Variants in NID1 observed in about 807,000 individuals in gnomAD.
NID1 encodes nidogen-1.
A neutral mutation model predicts 130.6 loss-of-function variants in NID1; 76 were observed. That is an observed-to-expected ratio of 0.58 (90% CI 0.48 to 0.70). NID1 has a LOEUF of 0.70. Ranked by LOEUF, NID1 falls within the 30% of genes least tolerant of loss-of-function variation. NID1 has a pLI of 0.00. For missense variants in NID1, 1,517 were observed against 1,664.8 expected, an observed-to-expected ratio of 0.91 and a Z score of 1.54; for synonymous variants, 665 against 675.1, an observed-to-expected ratio of 0.98 and a Z score of 0.23.
At chr1:236,029,314 T>C (rs1352278129) in intron 7 of NID1, among the ~76,000 whole-genome samples, 2 of 152,236 alleles carry the variant, frequency 1.3e-5, no homozygotes, top group Admixed American at 1.3e-4. Context: ...AATGTCATAA[T>C]AATTATGTCC....
chr1:236,007,481 G>A (rs1658284371), intron 12 of NID1, among the ~76,000 whole-genome samples: 1 of 152,186 alleles, frequency 6.6e-6, no homozygotes, highest in Non-Finnish European at 1.5e-5. Flanking sequence ...CACTGCAAGA[G>A]GGATGGCCCG....
intron 1 of NID1, among the ~76,000 whole-genome samples, chr1:236,056,962 A>G: frequency 6.6e-6 from 1 of 152,160 alleles, no homozygotes. Flanking sequence ...TGTTCACTAC[A>G]TTTGTACTAG....
chr1:235,984,174 C>G (rs1352088494), intron 15 of NID1, among the ~76,000 whole-genome samples: 2 of 152,146 alleles, frequency 1.3e-5, no homozygotes, highest in African/African-American at 4.8e-5. Context: ...TTCCCCTCTT[C>G]CACTGGGTTT....
chr1:236,022,408 G>A (rs1486381899), intron 9 of NID1, among the ~76,000 whole-genome samples: 1 of 144,276 alleles, frequency 6.9e-6, no homozygotes, highest in African/African-American at 2.6e-5. Flanking sequence ...GTGTGATCTT[G>A]GCTCACTGAA....
At chr1:236,050,065 A>G (rs1659722576) in intron 1 of NID1, among the ~76,000 whole-genome samples, 2 of 151,662 alleles carry the variant, frequency 1.3e-5, no homozygotes, top group African/African-American at 4.8e-5. Flanking sequence ...AAGACTAAGT[A>G]CTACTAATAT....
intron 7 of NID1, 37 bp from the exon 8 acceptor site, chr1:236,026,178 AGAC>A: frequency 1.2e-6 from 2 of 1,606,988 alleles, no homozygotes; most frequent in Non-Finnish European, 1.7e-6. Flanking sequence ...CAAGGCAGGG[AGAC>A]AGAGGGAAGA....
chr1:236,041,781 C>T, intron 4 of NID1, 129 bp downstream of exon 4: 1 of 1,212,634 alleles, frequency 8.2e-7, no homozygotes, highest in Non-Finnish European at 1.1e-6. Context: ...AGTTCAGCCT[C>T]TACTTTCCCA....
chr1:236,011,823 C>T (rs1251470946), intron 12 of NID1, 98 bp downstream of exon 12: 2 of 1,448,752 alleles, frequency 1.4e-6, no homozygotes, highest in Non-Finnish European at 1.9e-6. Flanking sequence ...GGGCAACGGG[C>T]CATGTGCTCT....
chr1:235,986,823 C>G (rs1657588347), intron 14 of NID1, among the ~76,000 whole-genome samples: 1 of 152,220 alleles, frequency 6.6e-6, no homozygotes, highest in Admixed American at 6.5e-5. Context: ...GCTCAGGCCT[C>G]AACTGTGGGT....
At chr1:236,063,479 AAAATAAAT>A (rs57532391) in intron 1 of NID1, among the ~76,000 whole-genome samples, 28 of 148,400 alleles carry the variant, frequency 1.9e-4, no homozygotes, top group Middle Eastern at 3.5e-3. Flanking sequence ...CTCAAAAAAA[AAAATAAAT>A]AAATAAATAA....
At chr1:236,021,343 C>T (rs1658757397) in intron 9 of NID1, among the ~76,000 whole-genome samples, 1 of 152,230 alleles carries the variant, frequency 6.6e-6, no homozygotes, top group Non-Finnish European at 1.5e-5. Flanking sequence ...AGGTAAGTCC[C>T]AGACTGAATT....
chr1:236,062,186 C>T (rs2102854970), intron 1 of NID1, among the ~76,000 whole-genome samples: 1 of 152,308 alleles, frequency 6.6e-6, no homozygotes, highest in African/African-American at 2.4e-5. Context: ...CTTAATCAGG[C>T]TGAAACAAAG....
chr1:236,037,224 T>C (rs566904179), intron 5 of NID1, among the ~76,000 whole-genome samples: 2 of 152,330 alleles, frequency 1.3e-5, no homozygotes, highest in South Asian at 2.1e-4. Context: ...GCATCTCTGA[T>C]GCTCAACTGT....
chr1:235,991,899 ACAAG>A (rs1478326323), intron 13 of NID1, among the ~76,000 whole-genome samples: 9 of 152,188 alleles, frequency 5.9e-5, no homozygotes, highest in Admixed American at 1.3e-4. Flanking sequence ...CTGGGGCCTG[ACAAG>A]CAAGAACATG....
intron 1 of NID1, among the ~76,000 whole-genome samples, chr1:236,062,506 C>A (rs765039082): frequency 6.6e-6 from 1 of 151,408 alleles, no homozygotes; most frequent in Non-Finnish European, 1.5e-5. Context: ...TGGTGGTGCG[C>A]GCCTGTAATC....
In NID1 at chr1:235,985,406, C is replaced by T. The variant is rs1283305423; in HGVS notation, c.3028G>A (p.Gly1010Arg). Residue 1010 changes from glycine to arginine, a missense_variant, in exon 15 of 20, where the codon GGA (glycine) becomes AGA (arginine). Coordinates refer to ENST00000264187, the MANE Select transcript of NID1 (RefSeq NM_002508.3). ...TGTCTAATGATGGTGGTTGGCTCTC[C>T]ACCATGTAGACTAGCTCTCCCAATG... ...PSIGRASLHG[G>R]EPTTIIRQDL... 1.3e-5 allele frequency: 21 copies of T among 1,614,062 alleles called. No individual in the cohort carries two copies. Among genetic ancestry groups the T allele is most frequent in the Non-Finnish European group, 1.6e-5 (19 of 1,179,988 alleles).
intron 14 of NID1, among the ~76,000 whole-genome samples, chr1:235,986,399 T>A (rs115206937): frequency 6.7e-6 from 1 of 149,538 alleles, no homozygotes; most frequent in East Asian, 2.0e-4. Context: ...ACTAGCAAAA[T>A]ATAGAAAATA....
intron 12 of NID1, among the ~76,000 whole-genome samples, chr1:236,010,300 C>CTTTTT (rs551127579): frequency 1.9e-5 from 2 of 107,180 alleles, no homozygotes; most frequent in Admixed American, 1.0e-4. Flanking sequence ...GCTATTTATA[C>CTTTTT]TTTTTTTTTT....
At chr1:235,988,915 G>A (rs1657645715) in intron 14 of NID1, among the ~76,000 whole-genome samples, 1 of 152,112 alleles carries the variant, frequency 6.6e-6, no homozygotes, top group Non-Finnish European at 1.5e-5. Flanking sequence ...AGTTTGGGAT[G>A]ATGAAAAAGT....
Sources: allele counts gnomAD v4.1 joint callset (sites outside exome capture counted in the v4.1 genomes callset), GRCh38; gene constraint gnomAD v4.1.1; transcripts MANE v1.5; gene names NCBI Gene and HGNC (gene_info 2026-07-23, HGNC 2026-07-21).